Variants in CEP112 observed in about 807,000 individuals in gnomAD.
The protein encoded by CEP112 is centrosomal protein 112.
CEP112 carries 127 observed loss-of-function variants against 153.0 expected under a neutral mutation model. That is an observed-to-expected ratio of 0.83 (90% CI 0.72 to 0.96). The LOEUF is 0.96. Among genes scored for constraint, CEP112 ranks in the 40% least tolerant of loss-of-function variants. The pLI is 0.00. For synonymous variants in CEP112, 358 were observed against 374.4 expected (o/e 0.96, Z 0.51); for missense variants, 1,089 against 1,101.2 (o/e 0.99, Z 0.16).
At chr17:65,781,490 G>C (rs565034498) in intron 21 of CEP112, among the ~76,000 whole-genome samples, 1 of 150,664 alleles carries the variant, frequency 6.6e-6, no homozygotes, top group African/African-American at 2.4e-5. Flanking sequence ...CACAGAATTG[G>C]AAAAAAAACT....
intron 20 of CEP112, among the ~76,000 whole-genome samples, chr17:65,865,946 G>C (rs1257026865): frequency 6.6e-6 from 1 of 152,062 alleles, no homozygotes; most frequent in Admixed American, 6.5e-5. Flanking sequence ...CAGCCGGTGG[G>C]AGCTGGGAGC....
intron 8 of CEP112, among the ~76,000 whole-genome samples, chr17:66,095,559 G>C (rs570296602): frequency 6.6e-6 from 1 of 152,248 alleles, no homozygotes; most frequent in South Asian, 2.1e-4. Context: ...CAAAATTTAA[G>C]TTAGATGAGA....
chr17:65,788,038 T>A (rs774312202), intron 21 of CEP112, among the ~76,000 whole-genome samples: 71 of 152,206 alleles, frequency 4.7e-4, no homozygotes, highest in Non-Finnish European at 8.2e-4. Context: ...AAAAATGATG[T>A]TTGCTCTAAG....
chr17:65,996,949 C>T (rs1293566314), intron 17 of CEP112, among the ~76,000 whole-genome samples: 1 of 152,166 alleles, frequency 6.6e-6, no homozygotes, highest in Non-Finnish European at 1.5e-5. Flanking sequence ...TGGCCCACGG[C>T]TGTAATCCCA....
At chr17:65,647,035 A>T (rs555909028) in intron 24 of CEP112, among the ~76,000 whole-genome samples, 17 of 152,336 alleles carry the variant, frequency 1.1e-4, no homozygotes, top group African/African-American at 3.8e-4. Context: ...CCTAAAATAA[A>T]AGTTTCACAA....
At chr17:65,911,515 G>GC (rs2060282860) in intron 19 of CEP112, among the ~76,000 whole-genome samples, 1 of 151,958 alleles carries the variant, frequency 6.6e-6, no homozygotes, top group Non-Finnish European at 1.5e-5. Context: ...TTAAAAAAAT[G>GC]TTTTTCTAAA....
At chr17:65,657,744 G>A (rs2046131587) in intron 24 of CEP112, among the ~76,000 whole-genome samples, 1 of 152,182 alleles carries the variant, frequency 6.6e-6, no homozygotes, top group African/African-American at 2.4e-5. Flanking sequence ...GTTAATAAAA[G>A]ACCCAAGAAA....
At chr17:66,103,085 C>T (rs1484065391) in intron 6 of CEP112, among the ~76,000 whole-genome samples, 1 of 151,080 alleles carries the variant, frequency 6.6e-6, no homozygotes, top group Non-Finnish European at 1.5e-5. Context: ...ATTAGCCAGG[C>T]ATGGTGGCGT....
At chr17:65,689,827 A>T (rs2144391177) in intron 23 of CEP112, among the ~76,000 whole-genome samples, 1 of 152,256 alleles carries the variant, frequency 6.6e-6, no homozygotes, top group Admixed American at 6.5e-5. Flanking sequence ...AAGACCAATA[A>T]TTACCACTGC....
intron 17 of CEP112, among the ~76,000 whole-genome samples, chr17:66,005,324 A>G (rs1351288658): frequency 1.3e-5 from 2 of 152,208 alleles, no homozygotes; most frequent in Non-Finnish European, 2.9e-5. Context: ...AAATATAACA[A>G]CTGGAACATT....
chr17:65,995,317 G>A (rs771951749), intron 17 of CEP112, among the ~76,000 whole-genome samples: 3 of 152,110 alleles, frequency 2.0e-5, no homozygotes, highest in Non-Finnish European at 4.4e-5. Flanking sequence ...GTTGGACAAA[G>A]GAGAATGATA....
intron 20 of CEP112, among the ~76,000 whole-genome samples, chr17:65,895,521 T>C (rs1028023830): frequency 9.9e-5 from 15 of 152,216 alleles, no homozygotes; most frequent in African/African-American, 3.4e-4. Flanking sequence ...CAAACTGCTA[T>C]GAGAAGCTCA....
intron 5 of CEP112, among the ~76,000 whole-genome samples, chr17:66,131,923 C>T (rs1360893279): frequency 6.6e-6 from 1 of 151,984 alleles, no homozygotes; most frequent in Non-Finnish European, 1.5e-5. Flanking sequence ...AATCCCAACA[C>T]TTTGGGAGGC....
intron 20 of CEP112, among the ~76,000 whole-genome samples, chr17:65,898,738 T>C (rs1409204590): frequency 1.3e-5 from 2 of 152,158 alleles, no homozygotes; most frequent in Non-Finnish European, 2.9e-5. Flanking sequence ...TGCATGATAC[T>C]GATGGTGATG....
chr17:65,710,726 G>A (rs1567898006), intron 23 of CEP112, among the ~76,000 whole-genome samples: 1 of 152,180 alleles, frequency 6.6e-6, no homozygotes, highest in South Asian at 2.1e-4. Flanking sequence ...AAGGCTCGTG[G>A]CAGGCTGGAT....
intron 23 of CEP112, among the ~76,000 whole-genome samples, chr17:65,712,729 T>C (rs866648250): frequency 6.6e-6 from 1 of 152,074 alleles, no homozygotes; most frequent in African/African-American, 2.4e-5. Context: ...AGAAAGTAAG[T>C]TGGGTTAGAA....
At chr17:65,758,585 G>A (rs2052422748) in intron 21 of CEP112, among the ~76,000 whole-genome samples, 1 of 152,108 alleles carries the variant, frequency 6.6e-6, no homozygotes, top group Non-Finnish European at 1.5e-5. Flanking sequence ...GTGATTTGGA[G>A]AGAAGAAAAT....
At chr17:65,695,955 T>C (rs2048333421) in intron 23 of CEP112, among the ~76,000 whole-genome samples, 1 of 152,194 alleles carries the variant, frequency 6.6e-6, no homozygotes, top group African/African-American at 2.4e-5. Context: ...CAAACTCTAC[T>C]TTCCCGTCTT....
intron 4 of CEP112, among the ~76,000 whole-genome samples, chr17:66,137,637 T>C (rs954751290): frequency 2.0e-5 from 3 of 152,156 alleles, no homozygotes; most frequent in African/African-American, 4.8e-5. Context: ...AGAAACTTTA[T>C]AGGCCAGGAG....
Sources: allele counts gnomAD v4.1 joint callset (sites outside exome capture counted in the v4.1 genomes callset), GRCh38; gene constraint gnomAD v4.1.1; transcripts MANE v1.5; gene names NCBI Gene and HGNC (gene_info 2026-07-23, HGNC 2026-07-21).